UTRN: variants seen among roughly 807,000 people sequenced by gnomAD.
The protein encoded by UTRN is utrophin.
Under a neutral mutation model 463.9 loss-of-function variants are expected in UTRN, and 283 were observed. That is an observed-to-expected ratio of 0.61 (90% CI 0.55 to 0.67). UTRN has a LOEUF of 0.67. Ranked by LOEUF, UTRN falls within the 30% of genes least tolerant of loss-of-function variation. The pLI is 0.00. For synonymous variants in UTRN, 1,442 were observed against 1,431.5 expected (o/e 1.01, Z -0.17); for missense variants, 3,922 against 4,084.3 (o/e 0.96, Z 1.08).
chr6:144,779,853 T>C (rs544902474), intron 60 of UTRN, among the ~76,000 whole-genome samples: 1 of 152,320 alleles, frequency 6.6e-6, no homozygotes, highest in Non-Finnish European at 1.5e-5. Context: ...TGACTTATTT[T>C]TGTTATTAGC....
At chr6:144,780,296 TAA>T (rs956006437) in intron 60 of UTRN, among the ~76,000 whole-genome samples, 1 of 152,130 alleles carries the variant, frequency 6.6e-6, no homozygotes, top group African/African-American at 2.4e-5. Flanking sequence ...TTTTTCATGC[TAA>T]AAGTTAAATA....
At chr6:144,614,573 A>G (rs987895809) in intron 51 of UTRN, among the ~76,000 whole-genome samples, 5 of 152,198 alleles carry the variant, frequency 3.3e-5, no homozygotes, top group African/African-American at 9.6e-5. Flanking sequence ...CAAGCAAAGT[A>G]AATGAATGAA....
intron 58 of UTRN, among the ~76,000 whole-genome samples, chr6:144,767,528 C>A (rs1793491651): frequency 1.3e-5 from 2 of 152,160 alleles, no homozygotes; most frequent in South Asian, 4.1e-4. Flanking sequence ...GGACCTCAGA[C>A]AAGCTATCTA....
At chr6:144,785,382 G>A (rs1193023069) in intron 61 of UTRN, among the ~76,000 whole-genome samples, 1 of 152,116 alleles carries the variant, frequency 6.6e-6, no homozygotes, top group African/African-American at 2.4e-5. Context: ...CTTTAATTCT[G>A]CCCTTTTCTC....
At position 144,699,266 on chromosome 6, in the gene UTRN, C is replaced by G. The variant is rs564713311; in HGVS notation, c.7653-821C>G. On this transcript the variant is annotated intron_variant, in intron 52 of 74. Coordinates refer to ENST00000367545, the MANE Select transcript of UTRN (RefSeq NM_007124.3). ...CAGGCTGAACAACATGGTGAAATCCCGTCTCTACTAAAAATACGAAAATTA... is the reference window on the plus strand; with the variant it reads ...CAGGCTGAACAACATGGTGAAATCCGGTCTCTACTAAAAATACGAAAATTA... Among the ~76,000 whole-genome samples, 3 of 151,832 alleles carry G rather than the reference C, an allele frequency of 2.0e-5. No homozygotes were observed. The South Asian group carries it at 6.2e-4, about 32-fold the overall frequency.
intron 9 of UTRN, among the ~76,000 whole-genome samples, chr6:144,433,137 T>C (rs1433091849): frequency 2.0e-5 from 3 of 150,796 alleles, no homozygotes; most frequent in African/African-American, 7.3e-5. Flanking sequence ...TCCCCACCTT[T>C]CCCCCCTTTC....
At chr6:144,844,210 G>A (rs78430225) in intron 73 of UTRN, among the ~76,000 whole-genome samples, 5,738 of 151,458 alleles carry the variant, frequency 0.038, 162 homozygotes, top group South Asian at 0.062. Flanking sequence ...AAAAATTGAT[G>A]CAAAATAGAA....
chr6:144,426,432 C>T lies in UTRN; in HGVS notation c.551C>T (p.Ala184Val), dbSNP rs1785299494. The stretch of plus-strand genomic sequence containing the variant: ...ACCACCAGCTGGACAGATGGACTCG[C>T]CTTTAATGCTGTCCTCCACCGACAT... ...NFTTSWTDGL[A>V]FNAVLHRHKP... Residue 184 changes from alanine (A) to valine (V), a missense_variant, in exon 7 of 75, where the codon GCC (alanine) becomes GTC (valine). Transcript: ENST00000367545. 6.2e-7 allele frequency: 1 copy of T among 1,614,058 alleles called. No homozygotes were observed. The highest frequency in any genetic ancestry group is 1.1e-5 in the South Asian group (1 of 91,060).
intron 54 of UTRN, among the ~76,000 whole-genome samples, chr6:144,743,106 C>T (rs1198883217): frequency 1.3e-5 from 2 of 152,120 alleles, no homozygotes; most frequent in Non-Finnish European, 2.9e-5. Flanking sequence ...AAGAGGAGCA[C>T]TAAAAATTCA....
chr6:144,470,952 T>C (rs1354459170), intron 23 of UTRN, among the ~76,000 whole-genome samples: 1 of 145,238 alleles, frequency 6.9e-6, no homozygotes, highest in Non-Finnish European at 1.5e-5. Context: ...GGCAGGGAGG[T>C]TGCATTGAGC....
At chr6:144,521,705 C>T (rs1020985101) in intron 39 of UTRN, among the ~76,000 whole-genome samples, 2 of 152,074 alleles carry the variant, frequency 1.3e-5, no homozygotes, top group African/African-American at 4.8e-5. Context: ...TTTTTGTTTG[C>T]TAACTGAGTT....
In UTRN at chr6:144,427,890, A is replaced by G. The variant is rs78214705; in HGVS notation, c.579-888A>G. The stretch of plus-strand genomic sequence containing the variant: ...GCTTATGTTCCAACAGAGGGAGACA[A>G]GACAATAATAAAGTTGTGTAGTATA... On this transcript the variant is annotated intron_variant, in intron 7 of 74. Transcript: ENST00000367545. Among the ~76,000 whole-genome samples the G allele has an allele frequency of 5.8e-4, 89 of 152,336 alleles. 1 individual carries two copies. The East Asian group carries it at 0.015, about 26-fold the overall frequency.
intron 51 of UTRN, among the ~76,000 whole-genome samples, chr6:144,676,917 G>A (rs947324044): frequency 6.6e-6 from 1 of 152,168 alleles, no homozygotes; most frequent in Admixed American, 6.6e-5. Context: ...TTTTACCTAT[G>A]TGAAAACGGG....
chr6:144,614,703 A>G (rs150137326), intron 51 of UTRN, among the ~76,000 whole-genome samples: 10 of 152,320 alleles, frequency 6.6e-5, no homozygotes, highest in African/African-American at 2.4e-4. Flanking sequence ...CTATGAATTA[A>G]CTTGTAAATG....
chr6:144,830,731 T>G (rs1002739899), intron 69 of UTRN, among the ~76,000 whole-genome samples: 6 of 150,578 alleles, frequency 4.0e-5, no homozygotes, highest in African/African-American at 1.2e-4. Context: ...TGTTTTTTGT[T>G]TTTTTTTTGC....
At chr6:144,656,500 C>T (rs1779326652) in intron 51 of UTRN, among the ~76,000 whole-genome samples, 1 of 152,176 alleles carries the variant, frequency 6.6e-6, no homozygotes. Context: ...CAGCTTCGAC[C>T]TTCTGGGCTC....
intron 53 of UTRN, among the ~76,000 whole-genome samples, chr6:144,715,069 C>T (rs1562806134): frequency 6.6e-6 from 1 of 152,100 alleles, no homozygotes; most frequent in Non-Finnish European, 1.5e-5. Flanking sequence ...ATCTATATGC[C>T]AAGCACTCCC....
intron 2 of UTRN, among the ~76,000 whole-genome samples, chr6:144,396,934 G>T (rs1782482560): frequency 1.3e-5 from 2 of 152,076 alleles, no homozygotes; most frequent in Admixed American, 6.6e-5. Flanking sequence ...GGGTTAGGTT[G>T]GTTCTCAGCT....
chr6:144,393,123 C>T (rs925652010), intron 2 of UTRN, among the ~76,000 whole-genome samples: 1 of 152,168 alleles, frequency 6.6e-6, no homozygotes, highest in Non-Finnish European at 1.5e-5. Flanking sequence ...ACACCTATAA[C>T]ATGGTTTTTA....
Sources: allele counts gnomAD v4.1 joint callset (sites outside exome capture counted in the v4.1 genomes callset), GRCh38; gene constraint gnomAD v4.1.1; transcripts MANE v1.5; gene names NCBI Gene and HGNC (gene_info 2026-07-23, HGNC 2026-07-21).